Variants in ATP2B2 observed in about 807,000 individuals in gnomAD.
ATP2B2 encodes the protein plasma membrane calcium-transporting ATPase 2.
A neutral mutation model predicts 120.0 loss-of-function variants in ATP2B2; 15 were observed. The observed-to-expected ratio is 0.12, with a 90% CI of 0.08 to 0.19. The LOEUF is 0.19. Ranked by LOEUF, ATP2B2 falls within the 10% of genes least tolerant of loss-of-function variation. ATP2B2 has a pLI of 1.00. For synonymous variants in ATP2B2, 694 were observed against 700.3 expected, an observed-to-expected ratio of 0.99 and a Z score of 0.14; for missense variants, 1,045 against 1,719.8, an observed-to-expected ratio of 0.61 and a Z score of 6.94.
At chr3:10,631,094 ACT>A (rs1430093511) in intron 1 of ATP2B2, among the ~76,000 whole-genome samples, 4 of 152,086 alleles carry the variant, frequency 2.6e-5, no homozygotes, top group Admixed American at 6.5e-5. Flanking sequence ...CAAGTTACTT[ACT>A]CTGTGTGTTT....
At chr3:10,566,547 G>C (rs2068013395) in intron 2 of ATP2B2, 1 of 152,208 alleles carries the variant, frequency 6.6e-6, no homozygotes, top group Non-Finnish European at 1.5e-5. Flanking sequence ...ACTATAATGA[G>C]ACAGTCAGAT....
chr3:10,345,632 A>G, intron 17 of ATP2B2, 57 bp from the exon 18 acceptor site: 1 of 1,528,486 alleles, frequency 6.5e-7, no homozygotes, highest in Non-Finnish European at 9.0e-7. Context: ...GACCACTTCT[A>G]GCATCACCAT....
At position 10,402,067 on chromosome 3, in the gene ATP2B2, T is replaced by C; in HGVS notation, c.655+24A>G. 1.2e-6 allele frequency: 2 copies of C among 1,612,388 alleles called. No homozygotes were observed. Among genetic ancestry groups the C allele is most frequent in the Non-Finnish European group, 8.5e-7 (1 of 1,180,014 alleles). ...TCTGCCGGAATCCAGCTTTAGAACC[T>C]GGCTCTGTGGCTGGGACACTTACCA... is the stretch of plus-strand genomic sequence containing the variant. On this transcript the variant is annotated intron_variant, in intron 4 of 22. Coordinates refer to ENST00000360273, the MANE Select transcript of ATP2B2 (RefSeq NM_001001331.4). The surrounding 1 kb of genome is among the most constrained non-coding windows in gnomAD (Gnocchi z 4.9).
intron 2 of ATP2B2, among the ~76,000 whole-genome samples, chr3:10,582,159 A>G (rs897378389): frequency 2.6e-5 from 4 of 152,200 alleles, no homozygotes; most frequent in African/African-American, 7.2e-5. Context: ...TGTGGCAGCC[A>G]GGTCCAGGGA....
chr3:10,438,390 C>T (rs566055209), intron 2 of ATP2B2, among the ~76,000 whole-genome samples: 13 of 152,356 alleles, frequency 8.5e-5, no homozygotes, highest in Admixed American at 2.6e-4. Flanking sequence ...GTTTCTCCTT[C>T]GTCCTACTTC....
intron 2 of ATP2B2, among the ~76,000 whole-genome samples, chr3:10,590,993 C>T (rs2068630938): frequency 6.6e-6 from 1 of 151,914 alleles, no homozygotes; most frequent in Non-Finnish European, 1.5e-5. Flanking sequence ...GTGCCCTGTC[C>T]CTGTAGGTAT....
chr3:10,425,177 G>C (rs748688722), intron 2 of ATP2B2, among the ~76,000 whole-genome samples: 2 of 151,782 alleles, frequency 1.3e-5, no homozygotes, highest in Non-Finnish European at 2.9e-5. Context: ...GGGCGTGGTT[G>C]TGCACGCCTA....
At chr3:10,541,188 TTGA>T (rs1354620975) in intron 2 of ATP2B2, among the ~76,000 whole-genome samples, 1 of 152,208 alleles carries the variant, frequency 6.6e-6, no homozygotes, top group African/African-American at 2.4e-5. Flanking sequence ...CTAGAATTTT[TTGA>T]TGTTATTGAT....
intron 2 of ATP2B2, among the ~76,000 whole-genome samples, chr3:10,571,921 A>T (rs2068137162): frequency 6.6e-6 from 1 of 152,118 alleles, no homozygotes; most frequent in African/African-American, 2.4e-5. Flanking sequence ...CCCAAAATTC[A>T]TGTCTTTTGC....
At chr3:10,400,903 T>A (rs765191256) in intron 5 of ATP2B2, 50 bp downstream of exon 5, 81 of 1,611,544 alleles carry the variant, frequency 5.0e-5, no homozygotes, top group Non-Finnish European at 6.9e-5. Context: ...CACACAGGCA[T>A]CCCCTGTGCA....
At chr3:10,476,349 C>T (rs2065201962) in intron 1 of ATP2B2, among the ~76,000 whole-genome samples, 1 of 152,168 alleles carries the variant, frequency 6.6e-6, no homozygotes, top group Non-Finnish European at 1.5e-5. Context: ...TCCCTGAAGC[C>T]CTCACCCCAC....
At chr3:10,545,286 T>G (rs898530904) in intron 2 of ATP2B2, among the ~76,000 whole-genome samples, 2 of 152,146 alleles carry the variant, frequency 1.3e-5, no homozygotes, top group African/African-American at 4.8e-5. Flanking sequence ...TCCCAGCACT[T>G]TGGGAGGCCA....
At chr3:10,505,048 C>T (rs1195858209) in intron 1 of ATP2B2, among the ~76,000 whole-genome samples, 2 of 152,216 alleles carry the variant, frequency 1.3e-5, no homozygotes, top group African/African-American at 4.8e-5. Context: ...CTTGGTCTCC[C>T]TGGGACCGGC....
chr3:10,338,617 G>A lies in ATP2B2; in HGVS notation c.3238-259C>T, dbSNP rs2060194052. The stretch of plus-strand genomic sequence containing the variant: ...TTGCTTTTTAATTCATTCATTCAGA[G>A]TCAGGGTACATAGTGGACAATCTTG... On this transcript the variant is annotated intron_variant, in intron 21 of 22. Coordinates refer to ENST00000360273, the MANE Select transcript of ATP2B2 (RefSeq NM_001001331.4). 1.6e-5 allele frequency: 8 copies of A among 496,714 alleles called. No homozygotes were observed. In the South Asian group the frequency reaches 1.7e-4, roughly 10 times the overall value. The allele number at this position is 496,714 out of a possible 1,614,324, so 30.8% of individuals were successfully genotyped here.
At chr3:10,676,966 T>A (rs976071323) in intron 1 of ATP2B2, among the ~76,000 whole-genome samples, 1 of 152,156 alleles carries the variant, frequency 6.6e-6, no homozygotes, top group Non-Finnish European at 1.5e-5. Flanking sequence ...CTTGTGGGGA[T>A]GCAAAATGAT....
chr3:10,690,468 CTATCTATCTATA>C (rs1559523381), intron 1 of ATP2B2, among the ~76,000 whole-genome samples: 2 of 151,696 alleles, frequency 1.3e-5, no homozygotes, highest in African/African-American at 2.4e-5. Context: ...ATCTATCTAT[CTATCTATCTATA>C]TATCTCCTTC....
chr3:10,342,614 C>T lies in ATP2B2; in HGVS notation c.2917+138G>A. On this transcript the variant is annotated intron_variant, in intron 19 of 22. Transcript: ENST00000360273. This position sits in a 1 kb window ranked among gnomAD's most constrained non-coding sequence, Gnocchi z 4.4. The stretch of plus-strand genomic sequence containing the variant: ...TGCTGGTGTGACCTTGGGCAACTTA[C>T]TTGACCTCCCTGGGCCTCAATTTCC... The T allele has an allele frequency of 9.5e-7, 1 of 1,051,082 alleles. No individual in the cohort carries two copies. The highest frequency in any genetic ancestry group is 2.6e-5 in the East Asian group (1 of 38,608). The allele number at this position is 1,051,082 out of a possible 1,614,324, so 65.1% of individuals were successfully genotyped here.
chr3:10,473,766 G>A (rs951017527), intron 1 of ATP2B2, among the ~76,000 whole-genome samples: 4 of 152,232 alleles, frequency 2.6e-5, no homozygotes, highest in African/African-American at 7.2e-5. Flanking sequence ...GACCCTGGAG[G>A]TGGGAAGGGG....
chr3:10,596,892 C>T (rs567749368), intron 2 of ATP2B2, among the ~76,000 whole-genome samples: 1 of 152,326 alleles, frequency 6.6e-6, no homozygotes, highest in South Asian at 2.1e-4. Context: ...GTGTGGCTTC[C>T]CCCAGGCACA....
Sources: allele counts gnomAD v4.1 joint callset (sites outside exome capture counted in the v4.1 genomes callset), GRCh38; gene constraint gnomAD v4.1.1; non-coding constraint Gnocchi (gnomAD v3.1); transcripts MANE v1.5; gene names NCBI Gene and HGNC (gene_info 2026-07-23, HGNC 2026-07-21).